Variants in TBC1D19 observed in about 807,000 individuals in gnomAD.
TBC1D19 encodes the protein TBC1 domain family, member 19.
TBC1D19 carries 60 observed loss-of-function variants against 89.0 expected under a neutral mutation model. The observed-to-expected ratio is 0.67, with a 90% CI of 0.55 to 0.84. The LOEUF (loss-of-function observed/expected upper bound fraction) is 0.84. Ranked by LOEUF, TBC1D19 falls within the 40% of genes least tolerant of loss-of-function variation. The pLI, the probability that TBC1D19 is intolerant of heterozygous loss-of-function variation, is 0.00. For missense variants in TBC1D19, 500 were observed against 610.8 expected (o/e 0.82, Z 1.91); for synonymous variants, 189 against 199.7 (o/e 0.95, Z 0.45).
intron 13 of TBC1D19, among the ~76,000 whole-genome samples, chr4:26,695,851 G>T (rs1007676187): frequency 3.3e-5 from 5 of 152,168 alleles, no homozygotes; most frequent in Non-Finnish European, 5.9e-5. Flanking sequence ...AAGAGCTCCT[G>T]AAGGAAGCAC....
chr4:26,823,391 G>A, the TBC1D19 span, among the ~76,000 whole-genome samples: 4 of 152,200 alleles, frequency 2.6e-5, no homozygotes, highest in Non-Finnish European at 5.9e-5. Flanking sequence ...AGGCCACATT[G>A]ATTGGTCAGG....
chr4:26,789,220 AT>A, the TBC1D19 span, among the ~76,000 whole-genome samples: 68 of 152,300 alleles, frequency 4.5e-4, no homozygotes, highest in African/African-American at 1.6e-3. Flanking sequence ...TTTGGCAGAG[AT>A]TGGTAAGTGC....
At chr4:26,775,912 T>A in the TBC1D19 span, among the ~76,000 whole-genome samples, 1 of 152,172 alleles carries the variant, frequency 6.6e-6, no homozygotes, top group Non-Finnish European at 1.5e-5. Context: ...ATGTTATGGG[T>A]TTCATTCCCA....
At chr4:26,642,114 A>G (rs1170152604) in intron 7 of TBC1D19, among the ~76,000 whole-genome samples, 1 of 152,206 alleles carries the variant, frequency 6.6e-6, no homozygotes, top group African/African-American at 2.4e-5. Flanking sequence ...AGCAACCCCA[A>G]GGCACATAAC....
At chr4:26,757,196 G>A (rs1436732190), downstream of TBC1D19, among the ~76,000 whole-genome samples, 4 of 152,074 alleles carry the variant, frequency 2.6e-5, no homozygotes, top group African/African-American at 9.7e-5. Flanking sequence ...TGTATTTTTA[G>A]TAGAGACAGG....
the TBC1D19 span, among the ~76,000 whole-genome samples, chr4:26,854,862 A>G: frequency 6.6e-6 from 1 of 151,726 alleles, no homozygotes; most frequent in Non-Finnish European, 1.5e-5. Flanking sequence ...GGATAATGCC[A>G]CTGCTGTTCA....
intron 13 of TBC1D19, among the ~76,000 whole-genome samples, chr4:26,712,110 A>G (rs193210359): frequency 1.7e-3 from 262 of 152,190 alleles, no homozygotes; most frequent in African/African-American, 6.1e-3. Flanking sequence ...TTCTTTAGGA[A>G]TTGTTTTTCC....
intron 4 of TBC1D19, among the ~76,000 whole-genome samples, chr4:26,633,319 C>T (rs1028607363): frequency 1.3e-5 from 2 of 152,152 alleles, no homozygotes; most frequent in East Asian, 1.9e-4. Flanking sequence ...GAATTAGAGA[C>T]GTTGTGTTTG....
At chr4:26,707,230 A>G (rs1004426865) in intron 13 of TBC1D19, among the ~76,000 whole-genome samples, 1 of 152,014 alleles carries the variant, frequency 6.6e-6, no homozygotes, top group Admixed American at 6.6e-5. Context: ...TTGTAGGTAC[A>G]TAAATGTTTA....
chr4:26,791,621 A>G, the TBC1D19 span, among the ~76,000 whole-genome samples: 1 of 152,216 alleles, frequency 6.6e-6, no homozygotes, highest in African/African-American at 2.4e-5. Context: ...CCAGGGTGGC[A>G]CCAGGGAAAA....
intron 19 of TBC1D19, among the ~76,000 whole-genome samples, chr4:26,752,749 AG>A (rs1364890164): frequency 6.6e-6 from 1 of 152,160 alleles, no homozygotes; most frequent in Non-Finnish European, 1.5e-5. Context: ...GTTTTATGGT[AG>A]GTTATATAAG....
chr4:26,672,947 AT>A (rs949932791), intron 10 of TBC1D19, among the ~76,000 whole-genome samples: 33 of 151,670 alleles, frequency 2.2e-4, no homozygotes, highest in African/African-American at 7.5e-4. Flanking sequence ...TTAATATAAG[AT>A]TTTTTTTAAG....
At chr4:26,730,880 T>C (rs1213773520) in intron 15 of TBC1D19, among the ~76,000 whole-genome samples, 1 of 152,184 alleles carries the variant, frequency 6.6e-6, no homozygotes, top group Non-Finnish European at 1.5e-5. Context: ...ACATGCAGGC[T>C]CTGGAAGCTG....
At chr4:26,639,033 A>G (rs1743317160) in intron 6 of TBC1D19, among the ~76,000 whole-genome samples, 199 bp downstream of exon 6, 1 of 152,162 alleles carries the variant, frequency 6.6e-6, no homozygotes, top group African/African-American at 2.4e-5. Context: ...AAATACAGAC[A>G]TCAGGAGCAG....
chr4:26,680,369 TC>T (rs1435028058), intron 11 of TBC1D19, among the ~76,000 whole-genome samples: 1 of 152,214 alleles, frequency 6.6e-6, no homozygotes, highest in Non-Finnish European at 1.5e-5. Context: ...TTAAAAAAAA[TC>T]TTTTTTTCTG....
At chr4:26,763,951 CT>C in the TBC1D19 span, among the ~76,000 whole-genome samples, 1 of 152,174 alleles carries the variant, frequency 6.6e-6, no homozygotes, top group Non-Finnish European at 1.5e-5. Flanking sequence ...GAACTTACTA[CT>C]TCTACTATCC....
intron 7 of TBC1D19, among the ~76,000 whole-genome samples, chr4:26,658,758 C>A (rs1194032241): frequency 6.6e-6 from 1 of 152,160 alleles, no homozygotes; most frequent in Non-Finnish European, 1.5e-5. Context: ...TCTCTTATTT[C>A]GTTGAGCAGT....
the TBC1D19 span, among the ~76,000 whole-genome samples, chr4:26,779,191 G>A: frequency 2.6e-5 from 4 of 152,154 alleles, no homozygotes; most frequent in Admixed American, 6.5e-5. Context: ...AAAGTTTCTG[G>A]AGTTAAATGA....
the TBC1D19 span, among the ~76,000 whole-genome samples, chr4:26,830,699 G>T: frequency 6.6e-6 from 1 of 152,054 alleles, no homozygotes; most frequent in Non-Finnish European, 1.5e-5. Flanking sequence ...ACTCTTTAAG[G>T]CTTCGTGTTT....
Sources: allele counts gnomAD v4.1 joint callset (sites outside exome capture counted in the v4.1 genomes callset), GRCh38; gene constraint gnomAD v4.1.1; transcripts MANE v1.5; gene names NCBI Gene and HGNC (gene_info 2026-07-23, HGNC 2026-07-21).